ROCK1: variants seen among roughly 807,000 people sequenced by gnomAD.
ROCK1 encodes the protein rho-associated protein kinase 1.
ROCK1 carries 36 observed loss-of-function variants against 196.8 expected under a neutral mutation model. The ratio of observed to expected loss-of-function variants is 0.18; its 90% CI spans 0.14 to 0.24. ROCK1 has a LOEUF of 0.24. Ranked by LOEUF, ROCK1 falls within the 10% of genes least tolerant of loss-of-function variation. ROCK1 has a pLI of 1.00. For missense variants in ROCK1, 920 were observed against 1,562.0 expected, an observed-to-expected ratio of 0.59 and a Z score of 6.93; for synonymous variants, 443 against 515.9, an observed-to-expected ratio of 0.86 and a Z score of 1.91.
chr18:21,042,846 C>T, intron 6 of ROCK1, 137 bp from the exon 7 acceptor site: 1 of 796,836 alleles, frequency 1.3e-6, no homozygotes, highest in Non-Finnish European at 1.9e-6. Flanking sequence ...TGAATGGAAA[C>T]CTGACAAAAA....
At chr18:20,966,002 T>C (rs1456831253) in intron 27 of ROCK1, among the ~76,000 whole-genome samples, 3 of 152,164 alleles carry the variant, frequency 2.0e-5, no homozygotes, top group Non-Finnish European at 4.4e-5. Context: ...ACAAGTAATA[T>C]CTGTTAAAAC....
intron 1 of ROCK1, among the ~76,000 whole-genome samples, chr18:21,109,668 C>T (rs1446908969): frequency 1.3e-5 from 2 of 152,106 alleles, no homozygotes; most frequent in Non-Finnish European, 2.9e-5. Flanking sequence ...ATTCTGAAAG[C>T]TTTGGGAAGC....
rs559215411 is a variant in ROCK1 at position 20,965,613 on chromosome 18, A to C, written c.3352+1304T>G. Among the ~76,000 whole-genome samples the C allele has an allele frequency of 3.9e-5, 6 of 152,282 alleles. No individual in the cohort carries two copies. The East Asian group carries it at 1.2e-3, about 29-fold the overall frequency. On this transcript the variant is annotated intron_variant, in intron 27 of 32. Transcript: ENST00000399799. Reference sequence around the variant, plus strand: ...ACTTCTAAAAGTCATATTCTTAGTGATGATTAAGTCTAACTTTAGAAAGAT... The same window carrying C: ...ACTTCTAAAAGTCATATTCTTAGTGCTGATTAAGTCTAACTTTAGAAAGAT...
At chr18:21,091,587 A>C (rs1259360472) in intron 1 of ROCK1, among the ~76,000 whole-genome samples, 1 of 152,190 alleles carries the variant, frequency 6.6e-6, no homozygotes, top group East Asian at 1.9e-4. Context: ...TGGGTGACAG[A>C]GCGAGATTCC....
At chr18:20,966,598 A>C (rs566419870) in intron 27 of ROCK1, among the ~76,000 whole-genome samples, 49 of 152,370 alleles carry the variant, frequency 3.2e-4, no homozygotes, top group African/African-American at 1.2e-3. Flanking sequence ...ACTTTTAAAA[A>C]ATAGTGAGAT....
At chr18:20,990,693 CAAAAAAAAAAAAAAAAAAAAAAAA>C in intron 18 of ROCK1, among the ~76,000 whole-genome samples, 1 of 22,598 alleles carries the variant, frequency 4.4e-5, no homozygotes, top group Non-Finnish European at 1.2e-4. Flanking sequence ...AACTTCGTCT[CAAAAAAAAAAAAAAAAAAAAAAAA>C]AAAGGAAAGT....
intron 2 of ROCK1, among the ~76,000 whole-genome samples, chr18:21,056,406 T>C (rs1345277555): frequency 1.3e-5 from 2 of 152,170 alleles, no homozygotes. Context: ...GACAAAAACC[T>C]AGGGGGCATT....
intron 11 of ROCK1, among the ~76,000 whole-genome samples, chr18:21,021,911 C>T (rs930321025): frequency 6.6e-6 from 1 of 152,138 alleles, no homozygotes; most frequent in African/African-American, 2.4e-5. Flanking sequence ...GTTAGCAATA[C>T]ATAACTTGCC....
intron 2 of ROCK1, among the ~76,000 whole-genome samples, chr18:21,051,707 T>C (rs1320653770): frequency 1.3e-5 from 2 of 152,132 alleles, no homozygotes; most frequent in African/African-American, 2.4e-5. Context: ...CTACATGAAA[T>C]AGATCAAAGA....
intron 22 of ROCK1, among the ~76,000 whole-genome samples, chr18:20,976,456 A>T (rs2035481735): frequency 6.6e-6 from 1 of 152,210 alleles, no homozygotes; most frequent in South Asian, 2.1e-4. Context: ...TTTCTCTTGA[A>T]AAATCAGAAG....
chr18:21,069,356 T>C (rs968339854), intron 2 of ROCK1, among the ~76,000 whole-genome samples: 1 of 152,102 alleles, frequency 6.6e-6, no homozygotes, highest in African/African-American at 2.4e-5. Context: ...AATTTTGTTA[T>C]ATTATTCTCT....
At chr18:21,048,501 T>A (rs2036179422) in intron 4 of ROCK1, among the ~76,000 whole-genome samples, 1 of 152,082 alleles carries the variant, frequency 6.6e-6, no homozygotes, top group Non-Finnish European at 1.5e-5. Flanking sequence ...TTTCTATATC[T>A]TCTGTATTTA....
intron 29 of ROCK1, among the ~76,000 whole-genome samples, chr18:20,959,114 T>A (rs1310579585): frequency 2.0e-5 from 1 of 49,388 alleles, no homozygotes; most frequent in Non-Finnish European, 3.1e-5. Flanking sequence ...TATATATATA[T>A]TATATAATAT....
chr18:20,970,408 G>A lies in ROCK1; in HGVS notation c.2760C>T (p.Ser920=), dbSNP rs773551770. The A allele has an allele frequency of 1.3e-5, 21 of 1,613,574 alleles. No homozygotes were observed. Among genetic ancestry groups the A allele is most frequent in the Non-Finnish European group, 1.6e-5 (19 of 1,179,762 alleles). ...EEQYFELTQE[S]KKAASRNRQE... is the part of the protein sequence containing the mutation. ...GTCTATTTCTTGAAGCAGCTTTCTTGCTTTCTTGCGTCAATTCAAAATACT... is the reference window on the plus strand; with the variant it reads ...GTCTATTTCTTGAAGCAGCTTTCTTACTTTCTTGCGTCAATTCAAAATACT... The change falls in exon 23 of 33, where the codon AGC becomes AGT. Residue 920 remains serine, a synonymous_variant. Transcript: ENST00000399799.
intron 22 of ROCK1, among the ~76,000 whole-genome samples, chr18:20,978,907 T>A (rs2035504792): frequency 6.6e-6 from 1 of 152,368 alleles, no homozygotes; most frequent in Non-Finnish European, 1.5e-5. Flanking sequence ...TGCTGTTTTC[T>A]GTAATTGTTT....
chr18:21,019,247 G>A (rs1354376059), intron 12 of ROCK1, among the ~76,000 whole-genome samples: 13 of 151,922 alleles, frequency 8.6e-5, no homozygotes, highest in South Asian at 2.1e-4. Flanking sequence ...TCTCCCTCCC[G>A]GGTTCAAGCA....
At chr18:21,082,751 T>A (rs913869820) in intron 1 of ROCK1, among the ~76,000 whole-genome samples, 3 of 152,202 alleles carry the variant, frequency 2.0e-5, no homozygotes, top group African/African-American at 7.2e-5. Flanking sequence ...CTGAAAGCTT[T>A]TCTCCTGAGA....
intron 16 of ROCK1, among the ~76,000 whole-genome samples, chr18:21,005,286 T>C (rs2035759258): frequency 6.6e-6 from 1 of 152,236 alleles, no homozygotes; most frequent in Non-Finnish European, 1.5e-5. Context: ...ATATCTCCAG[T>C]TCAAACATTC....
intron 16 of ROCK1, among the ~76,000 whole-genome samples, chr18:20,993,788 G>T (rs542146667): frequency 4.6e-5 from 7 of 152,182 alleles, no homozygotes; most frequent in Admixed American, 1.3e-4. Context: ...GGTATTTAAG[G>T]CATAAATATT....
Sources: gnomAD v4.1 joint callset for allele counts (sites outside exome capture counted in the v4.1 genomes callset) on GRCh38, gnomAD v4.1.1 for gene constraint, MANE v1.5 for transcripts, NCBI Gene and HGNC (gene_info 2026-07-23, HGNC 2026-07-21) for gene names.